The following ACP3 variants were observed in gnomAD, a reference collection of about 807,000 sequenced individuals.
The protein encoded by ACP3 is prostatic acid phosphatase.
Under a neutral mutation model 45.6 loss-of-function variants are expected in ACP3, and 38 were observed. The observed-to-expected ratio is 0.83, with a 90% CI of 0.64 to 1.09. ACP3 has a LOEUF of 1.09. Among genes scored for constraint, ACP3 ranks in the 50% least tolerant of loss-of-function variants. The probability of loss-of-function intolerance (pLI) is 0.00; values close to 1 mark genes in which losing one functional copy is unlikely to be tolerated. For missense variants in ACP3, 466 were observed against 463.2 expected, an observed-to-expected ratio of 1.01 and a Z score of -0.05; for synonymous variants, 162 against 164.7, an observed-to-expected ratio of 0.98 and a Z score of 0.13.
downstream of ACP3, among the ~76,000 whole-genome samples, chr3:132,360,497 G>T (rs1320929990): frequency 6.6e-6 from 1 of 152,142 alleles, no homozygotes; most frequent in Non-Finnish European, 1.5e-5. Flanking sequence ...AGTGTTTTTA[G>T]CTAGTGCCAG....
chr3:132,344,098 C>T (rs540496980), intron 6 of ACP3, among the ~76,000 whole-genome samples: 18 of 152,040 alleles, frequency 1.2e-4, no homozygotes, highest in African/African-American at 4.1e-4. Flanking sequence ...GCCAACATGG[C>T]GAAATTTCAT....
At position 132,328,353 on chromosome 3, in the gene ACP3, A is replaced by G. The variant is rs374816958; in HGVS notation, c.207A>G (p.Gln69=). Residue 69 remains glutamine (Q), a synonymous_variant, in exon 2 of 10, where the codon CAA becomes CAG. Coordinates refer to ENST00000336375, the MANE Select transcript of ACP3 (RefSeq NM_001099.5). The part of the protein sequence containing the change: ...KESSWPQGFG[Q]LTQLGMEQHY... ...CCTCATGGCCACAAGGATTTGGCCA[A>G]CTCACCCAGGTTGGTTGGACTTTTA... The G allele has an allele frequency of 3.7e-6, 6 of 1,613,318 alleles. No individual in the cohort carries two copies. The highest frequency in any genetic ancestry group is 5.1e-6 in the Non-Finnish European group (6 of 1,179,544).
At chr3:132,360,099 C>T (rs370481036), downstream of ACP3, among the ~76,000 whole-genome samples, 1 of 152,086 alleles carries the variant, frequency 6.6e-6, no homozygotes, top group Non-Finnish European at 1.5e-5. Flanking sequence ...GACAGATTTT[C>T]GTTCAGTGTT....
rs1357427612 is a variant in ACP3, at chr3:132,352,717, T to C, written c.865-3T>C. 6.2e-7 allele frequency: 1 copy of C among 1,605,244 alleles called. No individual in the cohort carries two copies. The highest frequency in any genetic ancestry group is 8.5e-7 in the Non-Finnish European group (1 of 1,172,022). ...GCGATAAAATTGATTTCAATCTCTGTAGCATGACACTACTGTGAGTGGCCT... is the reference window on the plus strand; with the variant it reads ...GCGATAAAATTGATTTCAATCTCTGCAGCATGACACTACTGTGAGTGGCCT... On this transcript the variant is annotated splice_region_variant and splice_polypyrimidine_tract_variant and intron_variant, in intron 8 of 9. Coordinates refer to ENST00000336375, the MANE Select transcript of ACP3 (RefSeq NM_001099.5).
intron 4 of ACP3, among the ~76,000 whole-genome samples, chr3:132,336,386 T>C (rs1937490949): frequency 6.6e-6 from 1 of 152,158 alleles, no homozygotes. Context: ...ACACAAGTTA[T>C]GGTGGCTAGG....
intron 7 of ACP3, among the ~76,000 whole-genome samples, chr3:132,349,581 A>G (rs1163626559): frequency 1.3e-5 from 2 of 152,210 alleles, no homozygotes; most frequent in African/African-American, 4.8e-5. Context: ...TTCCAAGCTT[A>G]TCAGCCTCCT....
At chr3:132,363,693 C>T (rs891981397), downstream of ACP3, among the ~76,000 whole-genome samples, 1 of 151,932 alleles carries the variant, frequency 6.6e-6, no homozygotes, top group Middle Eastern at 3.2e-3. Flanking sequence ...AATCACAGCA[C>T]TTTGGGAGGC....
intron 2 of ACP3, 136 bp from the exon 3 acceptor site, chr3:132,331,511 C>G: frequency 1.6e-6 from 1 of 624,190 alleles, no homozygotes; most frequent in South Asian, 2.4e-5. Context: ...AAATATGTGT[C>G]ATTATTGTGG....
chr3:132,318,513 T>C (rs1937148775), intron 1 of ACP3, among the ~76,000 whole-genome samples: 1 of 151,678 alleles, frequency 6.6e-6, no homozygotes, highest in Non-Finnish European at 1.5e-5. Context: ...TTTTTTTTTT[T>C]CAGCATGGGA....
intron 9 of ACP3, among the ~76,000 whole-genome samples, chr3:132,355,089 G>T (rs2107817252): frequency 6.6e-6 from 1 of 152,300 alleles, no homozygotes; most frequent in East Asian, 1.9e-4. Flanking sequence ...AGGCACCCAG[G>T]GTTCCCTCTT....
intron 9 of ACP3, 29 bp from the exon 10 acceptor site, chr3:132,356,656 AG>A (rs1458056068): frequency 6.2e-7 from 1 of 1,612,734 alleles, no homozygotes; most frequent in Non-Finnish European, 8.5e-7. Context: ...CAGAACTAAC[AG>A]AGCTCTCTCC....
chr3:132,345,125 C>T, intron 7 of ACP3, 66 bp downstream of exon 7: 6 of 1,424,184 alleles, frequency 4.2e-6, no homozygotes, highest in Non-Finnish European at 5.8e-6. Context: ...CTGAGTCATT[C>T]CCTCCACTAA....
chr3:132,348,529 G>A (rs1269544469), intron 7 of ACP3, among the ~76,000 whole-genome samples: 1 of 152,106 alleles, frequency 6.6e-6, no homozygotes, highest in Non-Finnish European at 1.5e-5. Context: ...ATATATTCAT[G>A]ACCAAAACTG....
intron 1 of ACP3, 40 bp downstream of exon 1, chr3:132,317,616 G>A: frequency 6.3e-7 from 1 of 1,591,134 alleles, no homozygotes; most frequent in Non-Finnish European, 8.6e-7. Context: ...TTAAAACTGT[G>A]TTCCCAGCAA....
chr3:132,349,826 G>T, intron 7 of ACP3, 94 bp from the exon 8 acceptor site: 1 of 793,136 alleles, frequency 1.3e-6, no homozygotes, highest in Non-Finnish European at 2.2e-6. Context: ...GTCATGGCAG[G>T]GAGAGTCCGC....
At chr3:132,330,682 T>C (rs994932952) in intron 2 of ACP3, among the ~76,000 whole-genome samples, 3 of 152,090 alleles carry the variant, frequency 2.0e-5, no homozygotes, top group East Asian at 1.9e-4. Flanking sequence ...GTCAAGCAAA[T>C]GACAAGTGTG....
downstream of ACP3, among the ~76,000 whole-genome samples, chr3:132,361,532 C>G (rs557314368): frequency 6.6e-6 from 1 of 152,264 alleles, no homozygotes; most frequent in African/African-American, 2.4e-5. Flanking sequence ...AGAGCTGAAG[C>G]AAGCAAAAGT....
intron 2 of ACP3, 39 bp downstream of exon 2, chr3:132,328,401 G>T (rs937585747): frequency 9.0e-6 from 14 of 1,556,506 alleles, no homozygotes; most frequent in Non-Finnish European, 1.2e-5. Context: ...TGATGAAGCT[G>T]GGTGTGGTGG....
intron 4 of ACP3, 88 bp from the exon 5 acceptor site, chr3:132,337,368 A>G: frequency 2.5e-6 from 2 of 798,982 alleles, no homozygotes; most frequent in Middle Eastern, 2.5e-4. Flanking sequence ...GTTGCTTTGA[A>G]CCTAATGAGG....
Sources: gnomAD v4.1 joint callset for allele counts (sites outside exome capture counted in the v4.1 genomes callset) on GRCh38, gnomAD v4.1.1 for gene constraint, MANE v1.5 for transcripts, NCBI Gene and HGNC (gene_info 2026-07-23, HGNC 2026-07-21) for gene names.